The following SMG9 variants were observed in gnomAD, a reference collection of about 807,000 sequenced individuals.
SMG9 encodes the protein nonsense-mediated mRNA decay factor SMG9.
In SMG9, 55 loss-of-function variants were observed where a neutral mutation model predicts 64.0. That is an observed-to-expected ratio of 0.86 (90% CI 0.69 to 1.08). The LOEUF is 1.08. Ranked by LOEUF, SMG9 falls within the 50% of genes least tolerant of loss-of-function variation. The pLI is 0.00. For synonymous variants in SMG9, 244 were observed against 254.8 expected (o/e 0.96, Z 0.41); for missense variants, 554 against 681.3 (o/e 0.81, Z 2.08).
chr19:43,729,030 G>T lies in SMG9; in HGVS notation c.*2566C>A, dbSNP rs777452372. The T allele has an allele frequency of 5.1e-6, 5 of 985,658 alleles. No individual in the cohort carries two copies. The highest frequency in any genetic ancestry group is 6.0e-6 in the Non-Finnish European group (5 of 830,114). 61.1% of individuals were successfully genotyped at this position (985,658 alleles called of 1,614,324 possible). A position where few individuals can be genotyped will look rare whatever the true frequency, so the allele number is the denominator to read the frequency against. On this transcript the variant is annotated 3_prime_UTR_variant, in exon 14 of 14. Coordinates refer to ENST00000270066, the MANE Select transcript of SMG9 (RefSeq NM_019108.4). ...TGGTGTCCACAGTGGCCTGCTGGCA[G>T]CATCAGCCTGAGTCCTCTGCTGGAT...
At position 43,731,169 on chromosome 19, in the gene SMG9, T is replaced by C; in HGVS notation, c.*427A>G. 1 of 995,976 alleles carries C rather than the reference T, an allele frequency of 1.0e-6. No homozygotes were observed. Among genetic ancestry groups the C allele is most frequent in the Non-Finnish European group, 1.2e-6 (1 of 836,794 alleles). 61.7% of individuals were successfully genotyped at this position (995,976 alleles called of 1,614,324 possible). A position where few individuals can be genotyped will look rare whatever the true frequency, so the allele number is the denominator to read the frequency against. On this transcript the variant is annotated 3_prime_UTR_variant, in exon 14 of 14. Transcript: ENST00000270066. ...AAGAACAGGCTTGCATGACTGTGTT[T>C]ATTTGAACCACCAGATCTGTTCCAA...
chr19:43,749,667 T>C (rs1435799003), intron 2 of SMG9, among the ~76,000 whole-genome samples: 1 of 152,158 alleles, frequency 6.6e-6, no homozygotes, highest in African/African-American at 2.4e-5. Context: ...CTACCTGACA[T>C]CTCTGAGGTG....
chr19:43,749,782 G>C (rs1468433915), intron 2 of SMG9, among the ~76,000 whole-genome samples: 4 of 152,218 alleles, frequency 2.6e-5, no homozygotes, highest in African/African-American at 9.6e-5. Context: ...GATCCCTCCT[G>C]ATTCCCAGCC....
intron 5 of SMG9, among the ~76,000 whole-genome samples, chr19:43,746,770 G>A (rs1969023997): frequency 1.3e-5 from 2 of 151,728 alleles, no homozygotes; most frequent in Admixed American, 1.3e-4. Flanking sequence ...TCACTTTGGG[G>A]GAGTGACATT....
In SMG9 at chr19:43,738,827, C is replaced by T. The variant is rs555528675; in HGVS notation, c.814-610G>A. Reference sequence around the variant, plus strand: ...GCTCTATTCTGTCTTGTTTAACTTCCGTCCTCCTCTTCACAGGTCTCTGAC... The same window carrying T: ...GCTCTATTCTGTCTTGTTTAACTTCTGTCCTCCTCTTCACAGGTCTCTGAC... On this transcript the variant is annotated intron_variant, in intron 7 of 13. Transcript: ENST00000270066. 2.6e-5 allele frequency among the ~76,000 whole-genome samples: 4 copies of T among 152,374 alleles called. 1 individual carries two copies. The highest frequency in any genetic ancestry group is 4.8e-5 in the African/African-American group (2 of 41,594).
chr19:43,740,867 C>T (rs533116065), intron 6 of SMG9, among the ~76,000 whole-genome samples: 1 of 152,080 alleles, frequency 6.6e-6, no homozygotes, highest in East Asian at 1.9e-4. Flanking sequence ...AGAGCAGGGC[C>T]GTGCCCTAAA....
In SMG9 at chr19:43,754,733, A is replaced by T. The variant is rs1599664971; in HGVS notation, c.-86T>A. The T allele has an allele frequency of 6.6e-6, 1 of 151,316 alleles. No individual in the cohort carries two copies. The highest frequency in any genetic ancestry group is 2.4e-5 in the African/African-American group (1 of 41,084). The allele number at this position is 151,316 out of a possible 1,614,324, so 9.4% of individuals were successfully genotyped here. A position where few individuals can be genotyped will look rare whatever the true frequency, so the allele number is the denominator to read the frequency against. On this transcript the variant is annotated 5_prime_UTR_variant, in exon 1 of 14. Coordinates refer to ENST00000270066, the MANE Select transcript of SMG9 (RefSeq NM_019108.4). ...GAGTCGGGTGGGGGCGGGGAGGCTG[A>T]CCCAAGCCACCCGCCTGCAAATGGC...
intron 10 of SMG9, chr19:43,734,027 C>A (rs1004855557): frequency 9.3e-6 from 5 of 538,620 alleles, no homozygotes; most frequent in Non-Finnish European, 1.7e-5. Context: ...GGCAAAGGAA[C>A]GGCATGTGCA....
chr19:43,733,365 A>G lies in SMG9; in HGVS notation c.1298T>C (p.Phe433Ser). ...TTCACTCTCTGCTTCACTGTCCATG[A>G]AGGGTACCAGGAATAAGTTGACCTC... is the stretch of plus-strand genomic sequence containing the variant. Reference protein sequence around the residue: ...DSEVNLFLVPFMDSEAESENP... With the variant: ...DSEVNLFLVPSMDSEAESENP... The change falls in exon 12 of 14, where the codon TTC becomes TCC. Residue 433 changes from phenylalanine to serine, a missense_variant. Transcript: ENST00000270066. The G allele has an allele frequency of 6.2e-7, 1 of 1,614,020 alleles. No homozygotes were observed. The highest frequency in any genetic ancestry group is 8.5e-7 in the Non-Finnish European group (1 of 1,179,992).
At chr19:43,751,314 T>C (rs1469384649) in intron 1 of SMG9, among the ~76,000 whole-genome samples, 1 of 151,250 alleles carries the variant, frequency 6.6e-6, no homozygotes, top group African/African-American at 2.4e-5. Context: ...TTTTTGTATT[T>C]TTAGTAGAGA....
In SMG9 at chr19:43,754,774, A is replaced by C. The variant is rs1969304489; in HGVS notation, c.-127T>G. Reference sequence around the variant, plus strand: ...TGCAAATGGCGTCTGGGGGCCAGGAACGTGGGAAGGAGAGAAAATGGGCAC... The same window carrying C: ...TGCAAATGGCGTCTGGGGGCCAGGACCGTGGGAAGGAGAGAAAATGGGCAC... On this transcript the variant is annotated 5_prime_UTR_variant, in exon 1 of 14. Coordinates refer to ENST00000270066, the MANE Select transcript of SMG9 (RefSeq NM_019108.4). 6.6e-6 allele frequency: 1 copy of C among 151,986 alleles called. No homozygotes were observed. Among genetic ancestry groups the C allele is most frequent in the South Asian group, 2.1e-4 (1 of 4,812 alleles). The allele number at this position is 151,986 out of a possible 1,614,324, so 9.4% of individuals were successfully genotyped here.
intron 6 of SMG9, 125 bp downstream of exon 6, chr19:43,744,647 T>C (rs1968944684): frequency 1.7e-6 from 1 of 603,306 alleles, no homozygotes; most frequent in Non-Finnish European, 3.0e-6. Context: ...GACACTGAGG[T>C]CTACAGAAGA....
At position 43,734,444 on chromosome 19, in the gene SMG9, G is replaced by A. The variant is rs28483837; in HGVS notation, c.1047C>T (p.His349=). The A allele has an allele frequency of 4.5e-3, 7,095 of 1,563,548 alleles. 211 individuals carry two copies. The African/African-American group carries it at 0.073, about 16-fold the overall frequency. The change falls in exon 10 of 14, where the codon CAC becomes CAT. Residue 349 remains histidine (H), a synonymous_variant. Transcript: ENST00000270066. The part of the protein sequence containing the change: ...MVKPSTPSPS[H]ESSSSSGSDE... ...CGGAGCCCGATGAGCTGCTGGACTC[G>A]TGGCTGGGGGATGGGGTGGAGGGCT...
At chr19:43,739,052 C>T (rs1968762825) in intron 7 of SMG9, among the ~76,000 whole-genome samples, 1 of 152,214 alleles carries the variant, frequency 6.6e-6, no homozygotes, top group Non-Finnish European at 1.5e-5. Context: ...AGAGCCAGGG[C>T]TCTGCTCTGA....
chr19:43,747,601 T>A, intron 4 of SMG9, 32 bp downstream of exon 4: 1 of 1,614,054 alleles, frequency 6.2e-7, no homozygotes, highest in East Asian at 2.2e-5. Context: ...AGACGCCAGT[T>A]CCCAACCTGG....
intron 1 of SMG9, chr19:43,754,302 AG>A (rs1368663421): frequency 1.3e-5 from 2 of 152,170 alleles, no homozygotes; most frequent in African/African-American, 2.4e-5. Context: ...GGGTTCTAGA[AG>A]GGAGCCTCCC....
rs1968475157 is a variant in SMG9 at position 43,731,281 on chromosome 19, G to A, written c.*315C>T. 8.7e-7 allele frequency: 1 copy of A among 1,147,766 alleles called. No individual in the cohort carries two copies. Among genetic ancestry groups the A allele is most frequent in the Admixed American group, 4.5e-5 (1 of 22,020 alleles). 71.1% of individuals were successfully genotyped at this position (1,147,766 alleles called of 1,614,324 possible). On this transcript the variant is annotated 3_prime_UTR_variant, in exon 14 of 14. Transcript: ENST00000270066. ...GCCTGTTGCTCCTGTCCCTGAAAAA[G>A]GAGGTCAAGATGGAGCCCGGGCTTC...
intron 9 of SMG9, among the ~76,000 whole-genome samples, chr19:43,735,648 G>GT (rs966606688): frequency 4.0e-5 from 6 of 149,234 alleles, no homozygotes; most frequent in South Asian, 2.1e-4. Context: ...AATCTGTGTG[G>GT]TTTTTTAGTG....
intron 6 of SMG9, among the ~76,000 whole-genome samples, chr19:43,741,298 G>C (rs1428372048): frequency 6.6e-6 from 1 of 152,190 alleles, no homozygotes; most frequent in African/African-American, 2.4e-5. Flanking sequence ...ATTGGCACTG[G>C]GTGGGGGATG....
Sources: gnomAD v4.1 joint callset for allele counts (sites outside exome capture counted in the v4.1 genomes callset) on GRCh38, gnomAD v4.1.1 for gene constraint, MANE v1.5 for transcripts, NCBI Gene and HGNC (gene_info 2026-07-23, HGNC 2026-07-21) for gene names.